Variants in SHMT2 observed in about 807,000 individuals in gnomAD.
SHMT2 encodes serine hydroxymethyltransferase 2.
Under a neutral mutation model 59.6 loss-of-function variants are expected in SHMT2, and 38 were observed. The observed-to-expected ratio is 0.64, with a 90% CI of 0.49 to 0.84. SHMT2 has a LOEUF of 0.84. SHMT2 is among the 40% of genes least tolerant of loss of function. The pLI is 0.00. For synonymous variants in SHMT2, 254 were observed against 258.1 expected (o/e 0.98, Z 0.15); for missense variants, 533 against 659.5 (o/e 0.81, Z 2.10).
At chr12:57,232,598 T>G (rs1371164171) in intron 6 of SHMT2, 23 bp downstream of exon 6, 1 of 1,613,844 alleles carries the variant, frequency 6.2e-7, no homozygotes, top group East Asian at 2.2e-5. Context: ...GGCTGGAGAC[T>G]GGGCACCTCC....
At chr12:57,233,014 G>T in intron 7 of SHMT2, 166 bp from the exon 8 acceptor site, 1 of 1,241,446 alleles carries the variant, frequency 8.1e-7, no homozygotes, top group Admixed American at 2.6e-5. Context: ...CCTGGCAGGG[G>T]ATTTGTGGAT....
intron 11 of SHMT2, 46 bp from the exon 12 acceptor site, chr12:57,234,188 C>T: frequency 6.2e-7 from 1 of 1,613,498 alleles, no homozygotes; most frequent in Non-Finnish European, 8.5e-7. Flanking sequence ...ATCTCACTGC[C>T]TTCCCTAGAG....
chr12:57,231,251 G>A (rs1160645828), intron 2 of SHMT2: 1 of 622,734 alleles, frequency 1.6e-6, no homozygotes, highest in African/African-American at 1.8e-5. Flanking sequence ...GAGGAAGGAG[G>A]AGCCTAGAAG....
Position 57,233,923 on chromosome 12 carries a change from G to T in SHMT2, c.1279+19G>T. The T allele has an allele frequency of 6.2e-7, 1 of 1,614,170 alleles. No homozygotes were observed. Among genetic ancestry groups the T allele is most frequent in the Non-Finnish European group, 8.5e-7 (1 of 1,180,002 alleles). On this transcript the variant is annotated intron_variant, in intron 10 of 11. Coordinates refer to ENST00000328923, the MANE Select transcript of SHMT2 (RefSeq NM_005412.6). Reference sequence around the variant, plus strand: ...CGGCTTGGTGAGACCTGGGGTTTGAGGAGGGAAGGGGCTCCCATGCTGGAT... The same window carrying T: ...CGGCTTGGTGAGACCTGGGGTTTGATGAGGGAAGGGGCTCCCATGCTGGAT...
At position 57,232,244 on chromosome 12, in the gene SHMT2, G is replaced by A. The variant is rs369556740; in HGVS notation, c.546G>A (p.Arg182=). 5.0e-6 allele frequency: 8 copies of A among 1,614,194 alleles called. No individual in the cohort carries two copies. The South Asian group carries it at 8.8e-5, about 18-fold the overall frequency. Residue 182 remains arginine, a synonymous_variant, in exon 5 of 12, where the codon CGG becomes CGA. Coordinates refer to ENST00000328923, the MANE Select transcript of SHMT2 (RefSeq NM_005412.6). ...LTHGYMSDVK[R]ISATSIFFES... is the part of the protein sequence containing the mutation. ...ACGGCTACATGTCTGACGTCAAGCG[G>A]ATATCAGCCACGTCCATCTTCTTCG...
At position 57,232,499 on chromosome 12, in the gene SHMT2, G is replaced by A. The variant is rs199498720; in HGVS notation, c.641G>A (p.Arg214Gln). The A allele has an allele frequency of 1.2e-5, 20 of 1,614,194 alleles. No homozygotes were observed. Among genetic ancestry groups the A allele is most frequent in the Middle Eastern group, 1.6e-4 (1 of 6,062 alleles). ...IDYNQLALTA[R>Q]LFRPRLIIAG... Reference sequence around the variant, plus strand: ...TACAACCAGCTGGCACTGACTGCTCGACTTTTCCGGCCACGGCTCATCATA... The same window carrying A: ...TACAACCAGCTGGCACTGACTGCTCAACTTTTCCGGCCACGGCTCATCATA... Residue 214 changes from arginine (R) to glutamine (Q), a missense_variant, in exon 6 of 12, where the codon CGA becomes CAA. Physicochemically the swap from Arg to Gln is conservative, Grantham distance 43 (BLOSUM62 1). Coordinates refer to ENST00000328923, the MANE Select transcript of SHMT2 (RefSeq NM_005412.6).
rs770305738 is a variant in SHMT2 at position 57,234,221 on chromosome 12, C to G, written c.1388-13C>G. On this transcript the variant is annotated splice_polypyrimidine_tract_variant and intron_variant, in intron 11 of 11. Coordinates refer to ENST00000328923, the MANE Select transcript of SHMT2 (RefSeq NM_005412.6). Reference sequence around the variant, plus strand: ...GAGCTCTGACCACTTGTTTCCTCACCCTCTCTCTCTAGCCAAGCTCCAGGA... The same window carrying G: ...GAGCTCTGACCACTTGTTTCCTCACGCTCTCTCTCTAGCCAAGCTCCAGGA... The G allele has an allele frequency of 1.2e-6, 2 of 1,611,514 alleles. No homozygotes were observed.
intron 1 of SHMT2, chr12:57,230,013 G>A (rs1383686940): frequency 7.0e-7 from 1 of 1,431,058 alleles, no homozygotes; most frequent in African/African-American, 1.4e-5. Context: ...TCATTCTGGC[G>A]ATCAGACGCC....
chr12:57,230,215 G>T, intron 1 of SHMT2: 1 of 1,265,264 alleles, frequency 7.9e-7, no homozygotes, highest in Non-Finnish European at 1.0e-6. Context: ...GGGTCCCGGC[G>T]GCAGTGAGGG....
chr12:57,232,534 A>C lies in SHMT2; in HGVS notation c.676A>C (p.Ser226Arg), dbSNP rs1000229352. The change falls in exon 6 of 12, where the codon AGC becomes CGC. Residue 226 changes from serine (S) to arginine (R), a missense_variant. Ser to Arg is a moderately radical substitution (Grantham distance 110, BLOSUM62 -1). Transcript: ENST00000328923. ...GCCACGGCTCATCATAGCTGGCACC[A>C]GCGCCTATGCTCGCCTCATTGACTA... Reference protein sequence around the residue: ...FRPRLIIAGTSAYARLIDYAR... With the variant: ...FRPRLIIAGTRAYARLIDYAR... 1 of 1,614,072 alleles carries C rather than the reference A, an allele frequency of 6.2e-7. No individual in the cohort carries two copies. Among genetic ancestry groups the C allele is most frequent in the Non-Finnish European group, 8.5e-7 (1 of 1,180,020 alleles).
chr12:57,232,021 C>A, intron 4 of SHMT2, 108 bp downstream of exon 4: 1 of 1,286,100 alleles, frequency 7.8e-7, no homozygotes, highest in Admixed American at 2.0e-5. Flanking sequence ...AGGCCTTGCC[C>A]TGTCCTGCAT....
In SHMT2 at chr12:57,230,629, C is replaced by A; in HGVS notation, c.34-174C>A. 4.1e-6 allele frequency: 6 copies of A among 1,445,932 alleles called. No homozygotes were observed. The South Asian group carries it at 8.8e-5, about 21-fold the overall frequency. 89.6% of individuals were successfully genotyped at this position (1,445,932 alleles called of 1,614,324 possible). ...TCAGAACCACCCCTTGGACGTTGAT[C>A]TCAAGCTTGGCTCCAGAACTGGCTT... is the stretch of plus-strand genomic sequence containing the variant. On this transcript the variant is annotated intron_variant, in intron 1 of 11. Coordinates refer to ENST00000328923, the MANE Select transcript of SHMT2 (RefSeq NM_005412.6).
In SHMT2 at chr12:57,234,033, G is replaced by C; in HGVS notation, c.1310G>C (p.Arg437Pro). 1 of 1,614,212 alleles carries C rather than the reference G, an allele frequency of 6.2e-7. No individual in the cohort carries two copies. The highest frequency in any genetic ancestry group is 1.6e-4 in the Middle Eastern group (1 of 6,062). Residue 437 changes from arginine (R) to proline (P), a missense_variant, in exon 11 of 12, where the codon CGT becomes CCT. Arg to Pro is a moderately radical substitution (Grantham distance 103). Coordinates refer to ENST00000328923, the MANE Select transcript of SHMT2 (RefSeq NM_005412.6). ...GAPALTSRQF[R>P]EDDFRRVVDF... Reference sequence around the variant, plus strand: ...CCAGCCTTAACTTCTCGACAGTTCCGTGAGGATGACTTCCGGAGAGTTGTG... The same window carrying C: ...CCAGCCTTAACTTCTCGACAGTTCCCTGAGGATGACTTCCGGAGAGTTGTG...
chr12:57,232,185 C>T (rs372256099), intron 4 of SHMT2, 26 bp from the exon 5 acceptor site: 5 of 1,607,156 alleles, frequency 3.1e-6, no homozygotes, highest in African/African-American at 1.3e-5. Flanking sequence ...TCCACCCAGG[C>T]CTTCTTACTT....
intron 3 of SHMT2, 40 bp from the exon 4 acceptor site, chr12:57,231,673 G>A: frequency 6.2e-7 from 1 of 1,613,086 alleles, no homozygotes; most frequent in Non-Finnish European, 8.5e-7. Flanking sequence ...ATGGTTGAGA[G>A]TCCTTTCTCT....
chr12:57,231,487 T>C lies in SHMT2; in HGVS notation c.238T>C (p.Cys80Arg). The C allele has an allele frequency of 1.9e-6, 3 of 1,614,106 alleles. No homozygotes were observed. Among genetic ancestry groups the C allele is most frequent in the Non-Finnish European group, 2.5e-6 (3 of 1,179,996 alleles). ...GLELIASENFCSRAALEALGS... is the reference protein window; with the variant it reads ...GLELIASENFRSRAALEALGS... ...TTGCCCCCCACCACCCCAGAACTTC[T>C]GCAGCCGAGCTGCGCTGGAGGCCCT... Residue 80 changes from cysteine to arginine, a missense_variant, in exon 3 of 12, where the codon TGC (cysteine) becomes CGC (arginine). By Grantham distance (180) the Cys-to-Arg change is radical. Coordinates refer to ENST00000328923, the MANE Select transcript of SHMT2 (RefSeq NM_005412.6).
intron 2 of SHMT2, 112 bp from the exon 3 acceptor site, chr12:57,231,369 A>ACTC (rs2037309963): frequency 1.1e-5 from 13 of 1,138,826 alleles, no homozygotes; most frequent in Non-Finnish European, 1.5e-5. Flanking sequence ...GAGTGAATGG[A>ACTC]GCTTTCTGCA....
Position 57,229,992 on chromosome 12 carries a change from C to T in SHMT2, c.33+181C>T, listed in dbSNP as rs1014085967. ...CCCTGGGCGCGCGTGGAGTTAACTG[C>T]GAGCCTGTCCTCATTCTGGCGATCA... On this transcript the variant is annotated intron_variant, in intron 1 of 11. Coordinates refer to ENST00000328923, the MANE Select transcript of SHMT2 (RefSeq NM_005412.6). 5.4e-5 allele frequency: 78 copies of T among 1,438,996 alleles called. 1 individual carries two copies. The highest frequency in any genetic ancestry group is 7.0e-5 in the Non-Finnish European group (77 of 1,097,070). 89.1% of individuals were successfully genotyped at this position (1,438,996 alleles called of 1,614,324 possible). A position where few individuals can be genotyped will look rare whatever the true frequency, so the allele number is the denominator to read the frequency against.
In SHMT2 at chr12:57,233,571, C is replaced by G. The variant is rs750642167; in HGVS notation, c.1032C>G (p.Thr344=). ...TACTGTCTCATCTCCAGGCCTGCAC[C>G]CCCATGTTCCGGGAGTACTCCCTGC... ...AVAVALKQAC[T]PMFREYSLQV... is the part of the protein sequence containing the mutation. Residue 344 remains threonine, a synonymous_variant, in exon 9 of 12, where the codon ACC becomes ACG. Coordinates refer to ENST00000328923, the MANE Select transcript of SHMT2 (RefSeq NM_005412.6). 2 of 1,613,438 alleles carry G rather than the reference C, an allele frequency of 1.2e-6. No homozygotes were observed. Among genetic ancestry groups the G allele is most frequent in the South Asian group, 1.1e-5 (1 of 90,960 alleles).
Sources: allele counts gnomAD v4.1 joint callset, GRCh38; gene constraint gnomAD v4.1.1; transcripts MANE v1.5; gene names NCBI Gene and HGNC (gene_info 2026-07-23, HGNC 2026-07-21).